The following GRM7 variants were observed in gnomAD, a reference collection of about 807,000 sequenced individuals.
GRM7 encodes glutamate metabotropic receptor 7, also known as metabotropic glutamate receptor 7.
In GRM7, 35 loss-of-function variants were observed where a neutral mutation model predicts 84.5. The observed-to-expected ratio is 0.41, with a 90% CI of 0.32 to 0.55. The LOEUF is 0.55. Ranked by LOEUF, GRM7 falls within the 20% of genes least tolerant of loss-of-function variation. The pLI is 0.19. For synonymous variants in GRM7, 487 were observed against 455.1 expected (o/e 1.07, Z -0.89); for missense variants, 1,003 against 1,194.6 (o/e 0.84, Z 2.36).
At chr3:7,554,098 A>G (rs1693634259) in intron 7 of GRM7, among the ~76,000 whole-genome samples, 1 of 152,216 alleles carries the variant, frequency 6.6e-6, no homozygotes, top group Non-Finnish European at 1.5e-5. Context: ...AGCTATGCAA[A>G]GTAGAACGTT....
intron 2 of GRM7, among the ~76,000 whole-genome samples, chr3:7,168,209 G>A (rs1287541101): frequency 1.3e-5 from 2 of 151,982 alleles, no homozygotes; most frequent in East Asian, 3.9e-4. Flanking sequence ...CACAGTGCCT[G>A]GTACTTTGCA....
At chr3:7,483,557 A>G (rs1055056392) in intron 7 of GRM7, among the ~76,000 whole-genome samples, 2 of 152,222 alleles carry the variant, frequency 1.3e-5, no homozygotes, top group Non-Finnish European at 2.9e-5. Flanking sequence ...GACAAAGGCC[A>G]GTCTGTCTTG....
At chr3:7,159,979 G>A (rs1199130006) in intron 2 of GRM7, among the ~76,000 whole-genome samples, 1 of 152,162 alleles carries the variant, frequency 6.6e-6, no homozygotes, top group Non-Finnish European at 1.5e-5. Context: ...ATTATGAAAA[G>A]CATGAAAAGA....
chr3:7,134,301 T>C (rs923306254), intron 1 of GRM7, among the ~76,000 whole-genome samples: 5 of 151,972 alleles, frequency 3.3e-5, no homozygotes, highest in Admixed American at 3.3e-4. Context: ...CCATGTTCCA[T>C]AAAAAAATGG....
chr3:7,037,723 G>T (rs959845867), intron 1 of GRM7, among the ~76,000 whole-genome samples: 2 of 152,026 alleles, frequency 1.3e-5, no homozygotes, highest in African/African-American at 4.8e-5. Context: ...AAATATATTT[G>T]GTACAAATAT....
At chr3:7,197,809 A>T (rs1197391297) in intron 2 of GRM7, among the ~76,000 whole-genome samples, 2 of 152,114 alleles carry the variant, frequency 1.3e-5, no homozygotes, top group Non-Finnish European at 2.9e-5. Flanking sequence ...TTAACAATTC[A>T]TAATTAAAAG....
chr3:7,369,857 A>C (rs1694059991), intron 4 of GRM7, among the ~76,000 whole-genome samples: 1 of 152,170 alleles, frequency 6.6e-6, no homozygotes, highest in Admixed American at 6.6e-5. Flanking sequence ...TGGCAAAATA[A>C]GATTCTTTTG....
chr3:7,498,578 A>G (rs1023876288), intron 7 of GRM7, among the ~76,000 whole-genome samples: 1 of 152,214 alleles, frequency 6.6e-6, no homozygotes, highest in African/African-American at 2.4e-5. Context: ...GGTTGATATT[A>G]GGTTGATGGG....
At chr3:7,516,722 G>C (rs888954243) in intron 7 of GRM7, among the ~76,000 whole-genome samples, 53 of 152,138 alleles carry the variant, frequency 3.5e-4, no homozygotes, top group Admixed American at 3.0e-3. Context: ...TAGGGATGTG[G>C]ACCAATGGGG....
intron 1 of GRM7, among the ~76,000 whole-genome samples, chr3:6,927,714 T>C (rs1027380903): frequency 6.6e-6 from 1 of 152,212 alleles, no homozygotes; most frequent in Admixed American, 6.5e-5. Context: ...GATATGCTGT[T>C]TATGTCATTT....
intron 1 of GRM7, among the ~76,000 whole-genome samples, chr3:7,013,578 C>A (rs1461129212): frequency 1.3e-5 from 2 of 152,254 alleles, no homozygotes; most frequent in South Asian, 2.1e-4. Context: ...AAGTACATAT[C>A]TATTTCTCCC....
intron 2 of GRM7, among the ~76,000 whole-genome samples, chr3:7,217,962 A>G (rs1696670053): frequency 6.6e-6 from 1 of 151,912 alleles, no homozygotes; most frequent in African/African-American, 2.4e-5. Flanking sequence ...ATTTCTCTTA[A>G]TATTATGACT....
chr3:7,146,465 G>C lies in GRM7; in HGVS notation c.533G>C (p.Ser178Thr). ...ILRLFQIPQI[S>T]YASTAPELSD... is the part of the protein sequence containing the mutation. Reference sequence around the variant, plus strand: ...TTGTCTTTGCAGATCCCCCAGATTAGTTATGCATCAACGGCACCCGAGCTA... The same window carrying C: ...TTGTCTTTGCAGATCCCCCAGATTACTTATGCATCAACGGCACCCGAGCTA... Residue 178 changes from serine (S) to threonine (T), a missense_variant, in exon 2 of 10, where the codon AGT (serine) becomes ACT (threonine). Around this residue, in one of 2 missense-constraint regions of GRM7, gnomAD observed 910 missense variants for 1,126.0 expected, o/e 0.81. Coordinates refer to ENST00000357716, the MANE Select transcript of GRM7 (RefSeq NM_000844.4). The C allele has an allele frequency of 6.2e-7, 1 of 1,613,038 alleles. No individual in the cohort carries two copies. The highest frequency in any genetic ancestry group is 8.5e-7 in the Non-Finnish European group (1 of 1,179,570).
intron 7 of GRM7, among the ~76,000 whole-genome samples, chr3:7,487,647 G>T (rs994981538): frequency 2.0e-5 from 3 of 152,210 alleles, no homozygotes; most frequent in Admixed American, 6.5e-5. Flanking sequence ...CTACCAAGTG[G>T]TGCTAACTCT....
At chr3:7,645,546 T>TAAAAAA (rs71043684) in intron 8 of GRM7, among the ~76,000 whole-genome samples, 25 of 87,782 alleles carry the variant, frequency 2.8e-4, no homozygotes, top group African/African-American at 8.8e-4. Context: ...GACTCCATCT[T>TAAAAAA]AAAAAAAAAA....
chr3:7,022,367 G>GAACACACACACA, intron 1 of GRM7, among the ~76,000 whole-genome samples: 1 of 145,734 alleles, frequency 6.9e-6, no homozygotes, highest in East Asian at 2.0e-4. Flanking sequence ...ACACACACAT[G>GAACACACACACA]CACACACACA....
intron 1 of GRM7, among the ~76,000 whole-genome samples, chr3:6,896,095 G>T (rs1226381664): frequency 6.6e-6 from 1 of 152,070 alleles, no homozygotes; most frequent in Admixed American, 6.6e-5. Flanking sequence ...TAAGATTAAT[G>T]GGCCATTTTT....
chr3:7,346,023 C>T (rs9837019), intron 4 of GRM7, among the ~76,000 whole-genome samples: 57,671 of 151,778 alleles, frequency 0.38, 11,133 homozygotes, highest in South Asian at 0.45. Flanking sequence ...TTTCAGATTG[C>T]AAATGGTGCA....
intron 1 of GRM7, among the ~76,000 whole-genome samples, chr3:7,142,108 A>C (rs969253535): frequency 6.6e-6 from 1 of 152,124 alleles, no homozygotes; most frequent in African/African-American, 2.4e-5. Context: ...AATATTTAAC[A>C]ATGAATGTTA....
Sources: gnomAD v4.1 joint callset for allele counts (sites outside exome capture counted in the v4.1 genomes callset) on GRCh38, gnomAD v4.1.1 for gene constraint, gnomAD v4.1.1 regional missense constraint, MANE v1.5 for transcripts, NCBI Gene and HGNC (gene_info 2026-07-23, HGNC 2026-07-21) for gene names.